The following PLEKHG7 variants were observed in gnomAD, a reference collection of about 807,000 sequenced individuals.
The protein encoded by PLEKHG7 is pleckstrin homology domain-containing family G member 7.
In PLEKHG7, 77 loss-of-function variants were observed where a neutral mutation model predicts 85.2. The ratio of observed to expected loss-of-function variants is 0.90; its 90% CI spans 0.75 to 1.09. The LOEUF (loss-of-function observed/expected upper bound fraction) is 1.09. Ranked by LOEUF, PLEKHG7 falls within the 50% of genes least tolerant of loss-of-function variation. The pLI, the probability that PLEKHG7 is intolerant of heterozygous loss-of-function variation, is 0.00. For missense variants in PLEKHG7, 777 were observed against 804.3 expected (o/e 0.97, Z 0.41); for synonymous variants, 301 against 302.4 (o/e 1.00, Z 0.05).
At position 92,736,872 on chromosome 12, in the gene PLEKHG7, G is replaced by A. The variant is rs117690785; in HGVS notation, c.795+295G>A. 4.1e-3 allele frequency among the ~76,000 whole-genome samples: 627 copies of A among 152,208 alleles called. 4 individuals are homozygous for A. Among genetic ancestry groups the A allele is most frequent in the Middle Eastern group, 6.8e-3 (2 of 294 alleles). On this transcript the variant is annotated intron_variant, in intron 6 of 16. Coordinates refer to ENST00000344636, the MANE Select transcript of PLEKHG7 (RefSeq NM_001377329.1). ...ACTACTCTTCGTCTCTCTGGGCCTG[G>A]ATTTCCTCATTTGAAACGTTAAGTT...
chr12:92,754,488 A>G (rs915030202), intron 11 of PLEKHG7, among the ~76,000 whole-genome samples: 3 of 152,240 alleles, frequency 2.0e-5, no homozygotes, highest in Non-Finnish European at 2.9e-5. Context: ...AAGTTTACAC[A>G]GGATGTGGCT....
chr12:92,741,844 A>G (rs1872366461), intron 9 of PLEKHG7, among the ~76,000 whole-genome samples: 1 of 152,232 alleles, frequency 6.6e-6, no homozygotes, highest in South Asian at 2.1e-4. Context: ...GCCATTTCCA[A>G]TTCTGTTTTT....
intron 4 of PLEKHG7, 33 bp downstream of exon 4, chr12:92,729,153 C>A: frequency 8.1e-7 from 1 of 1,231,194 alleles, no homozygotes; most frequent in Non-Finnish European, 1.0e-6. Flanking sequence ...TCATTCCATG[C>A]CCACTGTGGA....
intron 10 of PLEKHG7, among the ~76,000 whole-genome samples, chr12:92,750,453 C>T (rs1304142142): frequency 1.3e-5 from 2 of 152,188 alleles, no homozygotes; most frequent in Admixed American, 6.5e-5. Context: ...TTATTTACCA[C>T]GGATGCTTCT....
intron 13 of PLEKHG7, among the ~76,000 whole-genome samples, chr12:92,760,493 A>C (rs1430660405): frequency 6.6e-6 from 1 of 152,164 alleles, no homozygotes; most frequent in African/African-American, 2.4e-5. Flanking sequence ...AGGGGTAAAA[A>C]CATATAAGAA....
chr12:92,750,759 A>C (rs1321086156), intron 10 of PLEKHG7, among the ~76,000 whole-genome samples: 1 of 152,052 alleles, frequency 6.6e-6, no homozygotes, highest in Admixed American at 6.6e-5. Context: ...CCTTATCTTC[A>C]TCTGTCGTGC....
At chr12:92,756,091 T>C (rs2136623378) in intron 12 of PLEKHG7, 151 bp downstream of exon 12, 1 of 704,764 alleles carries the variant, frequency 1.4e-6, no homozygotes, top group Non-Finnish European at 2.4e-6. Flanking sequence ...CTGTAGGGCA[T>C]TGTATGCGGG....
At chr12:92,743,031 T>C (rs1872414516) in intron 9 of PLEKHG7, among the ~76,000 whole-genome samples, 1 of 152,202 alleles carries the variant, frequency 6.6e-6, no homozygotes, top group Non-Finnish European at 1.5e-5. Flanking sequence ...TGATGGGCTA[T>C]AAAAACTTCT....
intron 7 of PLEKHG7, among the ~76,000 whole-genome samples, chr12:92,739,897 T>C (rs1297203452): frequency 6.6e-6 from 1 of 152,194 alleles, no homozygotes; most frequent in Non-Finnish European, 1.5e-5. Context: ...AAGGTCTAAG[T>C]GGTTCTTGAC....
intron 4 of PLEKHG7, among the ~76,000 whole-genome samples, chr12:92,731,683 G>A (rs1423249194): frequency 6.6e-6 from 1 of 152,194 alleles, no homozygotes; most frequent in Non-Finnish European, 1.5e-5. Context: ...CCTAGAAGAT[G>A]GCCAGTAGCA....
intron 3 of PLEKHG7, 158 bp downstream of exon 3, chr12:92,707,830 G>A: frequency 7.9e-7 from 1 of 1,270,390 alleles, no homozygotes; most frequent in Non-Finnish European, 1.1e-6. Context: ...AGGTGCACGA[G>A]TTTTCATTTC....
rs181421120 is a variant in PLEKHG7 at position 92,719,015 on chromosome 12, G to A, written c.531-9978G>A. ...TATGAGAAATCGCCATCATAGTACC[G>A]GATTCCAGGCGGTAAACTAGAAGCT... On this transcript the variant is annotated intron_variant, in intron 3 of 16. Transcript: ENST00000344636. Among the ~76,000 whole-genome samples, 275 of 152,218 alleles carry A rather than the reference G, an allele frequency of 1.8e-3. 1 individual carries two copies. The highest frequency in any genetic ancestry group is 6.3e-3 in the African/African-American group (263 of 41,524).
At chr12:92,747,703 G>A (rs1420378014) in intron 10 of PLEKHG7, among the ~76,000 whole-genome samples, 1 of 152,154 alleles carries the variant, frequency 6.6e-6, no homozygotes, top group South Asian at 2.1e-4. Flanking sequence ...TAACATATCT[G>A]TGCAGTAGAC....
chr12:92,712,599 A>G (rs1228184776), intron 3 of PLEKHG7, among the ~76,000 whole-genome samples: 1 of 152,132 alleles, frequency 6.6e-6, no homozygotes, highest in South Asian at 2.1e-4. Context: ...CGAGTCCTTG[A>G]TGGTAGCATT....
At chr12:92,704,551 C>G (rs1370940130) in intron 1 of PLEKHG7, among the ~76,000 whole-genome samples, 1 of 152,142 alleles carries the variant, frequency 6.6e-6, no homozygotes, top group Non-Finnish European at 1.5e-5. Flanking sequence ...AAAAAGGGTA[C>G]CTCATGGGTT....
intron 3 of PLEKHG7, among the ~76,000 whole-genome samples, chr12:92,719,117 T>C (rs1871566885): frequency 6.6e-6 from 1 of 152,196 alleles, no homozygotes; most frequent in South Asian, 2.1e-4. Flanking sequence ...GAAACCATAG[T>C]CGAACATACA....
chr12:92,738,971 A>G (rs1872266195), intron 7 of PLEKHG7, among the ~76,000 whole-genome samples: 1 of 152,222 alleles, frequency 6.6e-6, no homozygotes, highest in South Asian at 2.1e-4. Context: ...ATAATACAGG[A>G]TTTTATTAGT....
At chr12:92,739,530 G>A (rs900643204) in intron 7 of PLEKHG7, among the ~76,000 whole-genome samples, 3 of 152,200 alleles carry the variant, frequency 2.0e-5, no homozygotes, top group African/African-American at 7.2e-5. Context: ...CCCACTGTAA[G>A]CTGTCCAAGC....
chr12:92,744,448 C>T (rs1228203878), intron 9 of PLEKHG7, among the ~76,000 whole-genome samples: 3 of 152,002 alleles, frequency 2.0e-5, no homozygotes, highest in Non-Finnish European at 4.4e-5. Context: ...TCAGTTTACC[C>T]ATTATATGTA....
Sources: allele counts gnomAD v4.1 joint callset (sites outside exome capture counted in the v4.1 genomes callset), GRCh38; gene constraint gnomAD v4.1.1; transcripts MANE v1.5; gene names NCBI Gene and HGNC (gene_info 2026-07-23, HGNC 2026-07-21).